THBS2: variants seen among roughly 807,000 people sequenced by gnomAD.
The protein encoded by THBS2 is thrombospondin-2.
THBS2 carries 47 observed loss-of-function variants against 135.2 expected under a neutral mutation model. That is an observed-to-expected ratio of 0.35 (90% CI 0.28 to 0.44). THBS2 has a LOEUF of 0.44. Among genes scored for constraint, THBS2 ranks in the 20% least tolerant of loss-of-function variants. The probability of loss-of-function intolerance (pLI) is 1.00; values close to 1 mark genes in which losing one functional copy is unlikely to be tolerated. For missense variants in THBS2, 1,288 were observed against 1,603.1 expected (o/e 0.80, Z 3.36); for synonymous variants, 639 against 633.8 (o/e 1.01, Z -0.12).
chr6:169,248,311 G>T, intron 3 of THBS2, 106 bp downstream of exon 3: 1 of 1,345,436 alleles, frequency 7.4e-7, no homozygotes, highest in Non-Finnish European at 1.0e-6. Flanking sequence ...CTTCTCTAAG[G>T]CCAGGCTCTG....
intron 2 of THBS2, among the ~76,000 whole-genome samples, chr6:169,249,836 A>G (rs1429471062): frequency 2.0e-5 from 3 of 152,190 alleles, no homozygotes; most frequent in African/African-American, 7.2e-5. Flanking sequence ...GGAGACCATC[A>G]TGGCTAACGT....
intron 4 of THBS2, among the ~76,000 whole-genome samples, chr6:169,243,663 G>C (rs1780453630): frequency 6.6e-6 from 1 of 152,172 alleles, no homozygotes; most frequent in South Asian, 2.1e-4. Context: ...ACCCTGAGTG[G>C]ATTTTACCCA....
chr6:169,218,691 G>GGATGGGAT (rs1779287845), intron 21 of THBS2, among the ~76,000 whole-genome samples: 1 of 130,406 alleles, frequency 7.7e-6, no homozygotes, highest in Non-Finnish European at 1.7e-5. Flanking sequence ...ATGGATGGAT[G>GGATGGGAT]GGATGGATGG....
chr6:169,237,234 C>G lies in THBS2; in HGVS notation c.1413G>C (p.Met471Ile), dbSNP rs748133469. Reference protein sequence around the residue: ...IRLCNSPVPQMGGKNCKGSGR... With the variant: ...IRLCNSPVPQIGGKNCKGSGR... ...CACTCCCTTTGCAATTCTTGCCCCC[C>G]ATCTGGGGCACTGGGGAGTTGCAGA... Residue 471 changes from methionine (M) to isoleucine (I), a missense_variant, in exon 9 of 22, where the codon ATG becomes ATC. Physicochemically the swap from Met to Ile is conservative, Grantham distance 10 (BLOSUM62 1). Around this residue, in one of 2 missense-constraint regions of THBS2, gnomAD observed 874 missense variants for 1,156.1 expected, o/e 0.76. Coordinates refer to ENST00000617924, the MANE Select transcript of THBS2 (RefSeq NM_003247.5). The G allele has an allele frequency of 3.1e-6, 5 of 1,613,324 alleles. No homozygotes were observed. Among genetic ancestry groups the G allele is most frequent in the East Asian group, 4.5e-5 (2 of 44,874 alleles).
In THBS2 at chr6:169,232,015, C is replaced by A. The variant is rs765474374; in HGVS notation, c.2116G>T (p.Val706Phe). Residue 706 changes from valine (V) to phenylalanine (F), a missense_variant, in exon 13 of 22, where the codon GTC becomes TTC. Val to Phe is a conservative substitution (Grantham distance 50). Transcript: ENST00000617924. ...DLDGWPNLNL[V>F]CATNATYHCI... The stretch of plus-strand genomic sequence containing the variant: ...TGGTAGGTGGCGTTGGTGGCGCAGA[C>A]CAGATTGAGGTTGGGCCAGCCGTCC... 95 of 1,613,896 alleles carry A rather than the reference C, an allele frequency of 5.9e-5. No individual in the cohort carries two copies. The highest frequency in any genetic ancestry group is 7.5e-5 in the Non-Finnish European group (89 of 1,179,956).
intron 7 of THBS2, among the ~76,000 whole-genome samples, chr6:169,238,744 C>T (rs1290898135): frequency 6.6e-6 from 1 of 152,236 alleles, no homozygotes; most frequent in East Asian, 1.9e-4. Context: ...AGCTCTGAGT[C>T]CCTTCATTCT....
At chr6:169,228,092 G>A (rs530203655) in intron 15 of THBS2, 30 bp downstream of exon 15, 10 of 1,553,896 alleles carry the variant, frequency 6.4e-6, no homozygotes, top group South Asian at 1.2e-5. Context: ...AAAAAAAAGT[G>A]CACGCATGGG....
intron 15 of THBS2, 137 bp downstream of exon 15, chr6:169,227,985 G>A (rs1779700558): frequency 4.9e-6 from 5 of 1,027,044 alleles, no homozygotes; most frequent in Non-Finnish European, 6.9e-6. Flanking sequence ...GGAGGCTGAA[G>A]CAGGAGACTC....
At chr6:169,231,021 A>G (rs1372675284) in intron 13 of THBS2, among the ~76,000 whole-genome samples, 2 of 152,208 alleles carry the variant, frequency 1.3e-5, no homozygotes, top group East Asian at 3.8e-4. Flanking sequence ...AAACTGCACT[A>G]AAACATTTTG....
intron 1 of THBS2, chr6:169,251,841 A>C (rs1303710925): frequency 2.6e-4 from 8 of 30,522 alleles, no homozygotes; most frequent in Non-Finnish European, 4.1e-4. Context: ...CCCCCCCCCC[A>C]AACCATCTGC....
intron 15 of THBS2, among the ~76,000 whole-genome samples, chr6:169,227,603 C>T (rs1358269365): frequency 1.3e-5 from 2 of 152,172 alleles, no homozygotes; most frequent in African/African-American, 2.4e-5. Flanking sequence ...ATAGCTTTCT[C>T]TAGGGCGGTC....
At chr6:169,237,899 C>T (rs1352231454) in intron 7 of THBS2, 104 bp from the exon 8 acceptor site, 2 of 1,355,800 alleles carry the variant, frequency 1.5e-6, no homozygotes, top group Non-Finnish European at 2.0e-6. Flanking sequence ...GTTCATGCAT[C>T]CAGGAATCTG....
chr6:169,231,285 T>C (rs1779823693), intron 13 of THBS2, among the ~76,000 whole-genome samples: 1 of 152,036 alleles, frequency 6.6e-6, no homozygotes, highest in Admixed American at 6.5e-5. Context: ...CTGGAGAAAG[T>C]GGTGTGAAGC....
In THBS2 at chr6:169,248,801, G is replaced by T. The variant is rs1780653053; in HGVS notation, c.225C>A (p.Thr75=). The change falls in exon 3 of 22, where the codon ACC becomes ACA. Residue 75 remains threonine (T), a synonymous_variant. Transcript: ENST00000617924. Reference sequence around the variant, plus strand: ...AGCCCTCCTTCTGCCGCATGATCTTGGTGATCTTGCTGAGGTCATCTGCGT... The same window carrying T: ...AGCCCTCCTTCTGCCGCATGATCTTTGTGATCTTGCTGAGGTCATCTGCGT... ...PVNADDLSKI[T]KIMRQKEGFF... The T allele has an allele frequency of 1.2e-6, 2 of 1,611,218 alleles. No homozygotes were observed. Among genetic ancestry groups the T allele is most frequent in the Admixed American group, 3.3e-5 (2 of 60,002 alleles).
rs571417998 is a variant in THBS2, at chr6:169,241,193, C to G, written c.891+569G>C. ...TAGCCATGTGTATGTTGTGGGGCAC[C>G]GTGGCCCGGAGCACCTCATTATGTT... On this transcript the variant is annotated intron_variant, in intron 5 of 21. Transcript: ENST00000617924. This position sits in a 1 kb window ranked among gnomAD's most constrained non-coding sequence, Gnocchi z 5.5. Among the ~76,000 whole-genome samples, 2 of 152,072 alleles carry G rather than the reference C, an allele frequency of 1.3e-5. No homozygotes were observed. The highest frequency in any genetic ancestry group is 2.9e-5 in the Non-Finnish European group (2 of 68,022).
chr6:169,243,784 T>C (rs73046003), intron 4 of THBS2, among the ~76,000 whole-genome samples: 16,642 of 152,282 alleles, frequency 0.11, 1,078 homozygotes, highest in Middle Eastern at 0.16. Context: ...GAATGTAGTT[T>C]TACCTGGTAG....
rs1252036436 is a variant in THBS2 at position 169,241,886 on chromosome 6, C to T, written c.767G>A (p.Gly256Asp). 3.1e-6 allele frequency: 5 copies of T among 1,612,100 alleles called. No homozygotes were observed. Among genetic ancestry groups the T allele is most frequent in the Non-Finnish European group, 3.4e-6 (4 of 1,179,970 alleles). ...CTCGGGCCTCCTCTCCGAGCTGGGG[C>T]CCACGTACTCGGTGGTGACATGCGG... ...LGPHVTTEYV[G>D]PSSERRPEVC... Residue 256 changes from glycine (G) to aspartate (D), a missense_variant, in exon 5 of 22, where the codon GGC becomes GAC. By Grantham distance (94) the Gly-to-Asp change is moderately conservative. This residue lies in a region of THBS2 where 414 missense variants were observed against 447.0 expected (regional missense o/e 0.93). Coordinates refer to ENST00000617924, the MANE Select transcript of THBS2 (RefSeq NM_003247.5). The surrounding 1 kb of genome is among the most constrained non-coding windows in gnomAD (Gnocchi z 5.5).
At chr6:169,232,539 C>A in intron 12 of THBS2, 125 bp downstream of exon 12, 1 of 1,456,076 alleles carries the variant, frequency 6.9e-7, no homozygotes, top group Non-Finnish European at 9.2e-7. Context: ...TTCCCCGGGC[C>A]AGCCCCTCCC....
intron 10 of THBS2, among the ~76,000 whole-genome samples, chr6:169,233,416 C>A (rs1779921676): frequency 6.6e-6 from 1 of 151,948 alleles, no homozygotes; most frequent in Admixed American, 6.6e-5. Flanking sequence ...TTCCACACTA[C>A]ACAACTACCC....
Sources: allele counts gnomAD v4.1 joint callset (sites outside exome capture counted in the v4.1 genomes callset), GRCh38; gene constraint gnomAD v4.1.1; regional missense constraint gnomAD v4.1.1; non-coding constraint Gnocchi (gnomAD v3.1); transcripts MANE v1.5; gene names NCBI Gene and HGNC (gene_info 2026-07-23, HGNC 2026-07-21).